The following BEGAIN variants were observed in gnomAD, a reference collection of about 807,000 sequenced individuals.
The protein encoded by BEGAIN is brain enriched guanylate kinase associated.
Under a neutral mutation model 35.8 loss-of-function variants are expected in BEGAIN, and 19 were observed. The observed-to-expected ratio is 0.53, with a 90% CI of 0.37 to 0.78. The LOEUF is 0.78. Among genes scored for constraint, BEGAIN ranks in the 30% least tolerant of loss-of-function variants. The probability of loss-of-function intolerance (pLI) is 0.00; values close to 1 mark genes in which losing one functional copy is unlikely to be tolerated. For missense variants in BEGAIN, 795 were observed against 853.6 expected (o/e 0.93, Z 0.85); for synonymous variants, 462 against 388.6 (o/e 1.19, Z -2.22).
chr14:100,542,341 G>A (rs1268564860), intron 5 of BEGAIN, among the ~76,000 whole-genome samples: 1 of 152,226 alleles, frequency 6.6e-6, no homozygotes, highest in Non-Finnish European at 1.5e-5. Context: ...TACTCGCCTG[G>A]TGTCCCCCAG....
chr14:100,556,980 G>A (rs546559480), intron 2 of BEGAIN, among the ~76,000 whole-genome samples: 10 of 152,358 alleles, frequency 6.6e-5, no homozygotes, highest in Admixed American at 5.2e-4. Flanking sequence ...CCCAGGCCCT[G>A]GGTAGCTGCA....
chr14:100,555,248 G>C lies in BEGAIN; in HGVS notation c.72-8586C>G, dbSNP rs919544170. Among the ~76,000 whole-genome samples, 27 of 152,358 alleles carry C rather than the reference G, an allele frequency of 1.8e-4. 1 individual carries two copies. Among genetic ancestry groups the C allele is most frequent in the South Asian group, 1.0e-3 (5 of 4,832 alleles). ...TTGTGCCCCAAGCCTTCCATCAAAG[G>C]AGCAGCAACAAGCCCTGTGGAAACC... is the stretch of plus-strand genomic sequence containing the variant. On this transcript the variant is annotated intron_variant, in intron 2 of 6. Transcript: ENST00000554140.
rs1285617237 is a variant in BEGAIN at position 100,567,615 on chromosome 14, G to A, written c.71+296C>T. Among the ~76,000 whole-genome samples the A allele has an allele frequency of 6.6e-6, 1 of 151,824 alleles. No homozygotes were observed. The highest frequency in any genetic ancestry group is 1.5e-5 in the Non-Finnish European group (1 of 67,860). On this transcript the variant is annotated intron_variant, in intron 2 of 6. Coordinates refer to ENST00000554140, the MANE Select transcript of BEGAIN (RefSeq NM_001385089.1). This position sits in a 1 kb window ranked among gnomAD's most constrained non-coding sequence, Gnocchi z 5.1. Reference sequence around the variant, plus strand: ...CAGGGCAGGGAGCCAGAGGGGCGCTGAGGACCGCACAGGACCAGGCGGCCC... The same window carrying A: ...CAGGGCAGGGAGCCAGAGGGGCGCTAAGGACCGCACAGGACCAGGCGGCCC...
chr14:100,543,530 A>G (rs74079116), intron 5 of BEGAIN, among the ~76,000 whole-genome samples: 2,332 of 152,246 alleles, frequency 0.015, 67 homozygotes, highest in African/African-American at 0.054. Context: ...CCATGACCCC[A>G]CCTTGGGATC....
rs894522107 is a variant in BEGAIN, at chr14:100,563,716, C to A, written c.71+4195G>T. Among the ~76,000 whole-genome samples the A allele has an allele frequency of 4.6e-5, 7 of 152,216 alleles. No individual in the cohort carries two copies. The highest frequency in any genetic ancestry group is 8.8e-5 in the Non-Finnish European group (6 of 68,048). ...CCCCGGAGGTTCCACTGAGGGTGCACACCCAGAATCGCAGCCCACATCCCC... is the reference window on the plus strand; with the variant it reads ...CCCCGGAGGTTCCACTGAGGGTGCAAACCCAGAATCGCAGCCCACATCCCC... On this transcript the variant is annotated intron_variant, in intron 2 of 6. Coordinates refer to ENST00000554140, the MANE Select transcript of BEGAIN (RefSeq NM_001385089.1). This position sits in a 1 kb window ranked among gnomAD's most constrained non-coding sequence, Gnocchi z 4.2.
intron 2 of BEGAIN, among the ~76,000 whole-genome samples, chr14:100,566,801 A>C (rs2034720550): frequency 2.0e-5 from 3 of 152,116 alleles, no homozygotes; most frequent in Admixed American, 2.0e-4. Context: ...TGTGGGACCC[A>C]CAGTGGGGGC....
intron 2 of BEGAIN, among the ~76,000 whole-genome samples, chr14:100,561,473 G>A (rs2034248140): frequency 6.6e-6 from 1 of 152,238 alleles, no homozygotes; most frequent in South Asian, 2.1e-4. Context: ...CCAAGGCCAG[G>A]TGTGGTGGCT....
chr14:100,574,801 A>G (rs1044466965), intron 1 of BEGAIN, among the ~76,000 whole-genome samples: 3 of 152,176 alleles, frequency 2.0e-5, no homozygotes, highest in Non-Finnish European at 2.9e-5. Context: ...AAGGTCACTC[A>G]GCCGGAAAGC....
intron 4 of BEGAIN, 49 bp downstream of exon 4, chr14:100,544,951 C>A: frequency 6.3e-7 from 1 of 1,589,614 alleles, no homozygotes; most frequent in South Asian, 1.1e-5. Flanking sequence ...TGGCTCCCCC[C>A]GGGAAGGAGG....
intron 2 of BEGAIN, among the ~76,000 whole-genome samples, chr14:100,553,167 T>C (rs1156900039): frequency 1.3e-5 from 2 of 152,156 alleles, no homozygotes; most frequent in Non-Finnish European, 2.9e-5. Flanking sequence ...CTGCAGGTCC[T>C]TGACGGGTGG....
At chr14:100,546,816 A>ACACT (rs1437654924) in intron 2 of BEGAIN, 154 bp from the exon 3 acceptor site, 19 of 548,832 alleles carry the variant, frequency 3.5e-5, no homozygotes, top group Non-Finnish European at 4.9e-5. Context: ...ACACACACTC[A>ACACT]CACACACCCA....
At chr14:100,547,546 AG>A (rs1478297255) in intron 2 of BEGAIN, 2 of 152,298 alleles carry the variant, frequency 1.3e-5, no homozygotes, top group African/African-American at 4.8e-5. Flanking sequence ...GGCCTCCAAC[AG>A]GGATGGCTCG....
chr14:100,569,407 G>T (rs980593289), intron 1 of BEGAIN: 9 of 152,496 alleles, frequency 5.9e-5, no homozygotes, highest in African/African-American at 2.2e-4. Context: ...CCCCCACACC[G>T]CTCTCTTCCC....
intron 1 of BEGAIN, among the ~76,000 whole-genome samples, chr14:100,585,459 TTCATC>T (rs2035425024): frequency 7.1e-6 from 1 of 140,036 alleles, no homozygotes; most frequent in South Asian, 2.5e-4. Context: ...CATCCATCCA[TTCATC>T]CATCCATCCA....
chr14:100,574,674 A>G (rs1213423099), intron 1 of BEGAIN, among the ~76,000 whole-genome samples: 4 of 152,182 alleles, frequency 2.6e-5, no homozygotes, highest in African/African-American at 7.2e-5. Context: ...GGGGCTGGGA[A>G]GCAGCTGCCC....
chr14:100,538,724 A>C lies in BEGAIN; in HGVS notation c.1084T>G (p.Tyr362Asp). 3 of 1,568,468 alleles carry C rather than the reference A, an allele frequency of 1.9e-6. No homozygotes were observed. Among genetic ancestry groups the C allele is most frequent in the Non-Finnish European group, 2.6e-6 (3 of 1,157,372 alleles). ...TTGGCAAAGCGAGGGCTGCCCTCGT[A>C]GGTGGTGGCGGGTGGCTTGCGGTCG... is the stretch of plus-strand genomic sequence containing the variant. ...LFDRKPPATT[Y>D]EGSPRFAKAT... Residue 362 changes from tyrosine to aspartate, a missense_variant, in exon 7 of 7, where the codon TAC becomes GAC. Physicochemically the swap from Tyr to Asp is radical, Grantham distance 160. Coordinates refer to ENST00000554140, the MANE Select transcript of BEGAIN (RefSeq NM_001385089.1).
At chr14:100,541,792 G>A (rs568055733) in intron 5 of BEGAIN, among the ~76,000 whole-genome samples, 16 of 152,326 alleles carry the variant, frequency 1.1e-4, no homozygotes, top group Non-Finnish European at 1.6e-4. Context: ...CCATGTCTGA[G>A]GTGGCCAGCT....
intron 2 of BEGAIN, 113 bp from the exon 3 acceptor site, chr14:100,546,775 CG>C: frequency 1.4e-6 from 1 of 717,936 alleles, no homozygotes; most frequent in Non-Finnish European, 2.0e-6. Flanking sequence ...CGCGCGCGCG[CG>C]CGCGCACACA....
chr14:100,554,893 C>G (rs986484029), intron 2 of BEGAIN, among the ~76,000 whole-genome samples: 2 of 152,266 alleles, frequency 1.3e-5, no homozygotes, highest in African/African-American at 4.8e-5. Context: ...CCCCCACCTT[C>G]CCGCCAGGCA....
Sources: gnomAD v4.1 joint callset for allele counts (sites outside exome capture counted in the v4.1 genomes callset) on GRCh38, gnomAD v4.1.1 for gene constraint, Gnocchi (gnomAD v3.1) non-coding constraint, MANE v1.5 for transcripts, NCBI Gene and HGNC (gene_info 2026-07-23, HGNC 2026-07-21) for gene names.